Variants in EML6 observed in about 807,000 individuals in gnomAD.
The protein encoded by EML6 is EMAP like 6, also known as echinoderm microtubule-associated protein-like 6.
In EML6, 154 loss-of-function variants were observed where a neutral mutation model predicts 240.1. The ratio of observed to expected loss-of-function variants is 0.64; its 90% confidence interval spans 0.56 to 0.73. The LOEUF is 0.73. Ranked by LOEUF, EML6 falls within the 30% of genes least tolerant of loss-of-function variation. The pLI, the probability that EML6 is intolerant of heterozygous loss-of-function variation, is 0.00. For synonymous variants in EML6, 1,148 were observed against 899.0 expected, an observed-to-expected ratio of 1.28 and a Z score of -4.95; for missense variants, 2,964 against 2,474.6, an observed-to-expected ratio of 1.20 and a Z score of -4.20.
Position 54,903,434 on chromosome 2 carries a change from C to A in EML6, c.3341C>A (p.Thr1114Lys), listed in dbSNP as rs994880615. 6.4e-6 allele frequency: 10 copies of A among 1,551,658 alleles called. No homozygotes were observed. Among genetic ancestry groups the A allele is most frequent in the African/African-American group, 4.1e-5 (3 of 73,050 alleles). Residue 1114 changes from threonine (T) to lysine (K), a missense_variant, in exon 24 of 42, where the codon ACA (threonine) becomes AAA (lysine). Physicochemically the swap from Thr to Lys is moderately conservative, Grantham distance 78 (BLOSUM62 -1). Transcript: ENST00000356458. Reference protein sequence around the residue: ...DNFVDIYNVLTSKRVGICKGA... With the variant: ...DNFVDIYNVLKSKRVGICKGA... ...TTTGTGGATATTTACAACGTACTTA[C>A]AAGCAAAAGGGTTGGCATCTGTAAA...
chr2:54,921,218 C>G (rs539608231), intron 26 of EML6, among the ~76,000 whole-genome samples: 5 of 151,784 alleles, frequency 3.3e-5, no homozygotes, highest in African/African-American at 9.7e-5. Context: ...ACCCTAAAGA[C>G]CCCCCCAAAA....
intron 17 of EML6, among the ~76,000 whole-genome samples, chr2:54,889,159 A>G (rs981239883): frequency 2.0e-5 from 3 of 152,146 alleles, no homozygotes; most frequent in Non-Finnish European, 2.9e-5. Flanking sequence ...TTGTCAGTCA[A>G]CTCATACACA....
intron 2 of EML6, among the ~76,000 whole-genome samples, chr2:54,738,263 C>G (rs1270459490): frequency 1.3e-5 from 2 of 152,164 alleles, no homozygotes; most frequent in Admixed American, 6.5e-5. Flanking sequence ...GTTGAATGAA[C>G]AAATGAAAGA....
intron 11 of EML6, among the ~76,000 whole-genome samples, chr2:54,859,088 C>G (rs1670540179): frequency 6.6e-6 from 1 of 152,168 alleles, no homozygotes; most frequent in Admixed American, 6.5e-5. Context: ...AGTAAAGCAA[C>G]CAGTTTAAGG....
intron 7 of EML6, among the ~76,000 whole-genome samples, chr2:54,834,065 G>A (rs923490219): frequency 6.6e-6 from 1 of 152,140 alleles, no homozygotes; most frequent in African/African-American, 2.4e-5. Context: ...GCTGTATGGG[G>A]TGGTTGTCCT....
chr2:54,785,955 A>T (rs111417570), intron 2 of EML6, among the ~76,000 whole-genome samples: 7 of 150,804 alleles, frequency 4.6e-5, no homozygotes, highest in African/African-American at 1.7e-4. Flanking sequence ...ATATATTTGT[A>T]TGTGTGTGTG....
At chr2:54,872,922 C>T (rs150186810) in intron 16 of EML6, among the ~76,000 whole-genome samples, 172 of 152,310 alleles carry the variant, frequency 1.1e-3, no homozygotes, top group Middle Eastern at 6.8e-3. Context: ...TGTGGCACTC[C>T]ATGTGGCACA....
At chr2:54,812,726 G>A (rs971615198) in intron 2 of EML6, among the ~76,000 whole-genome samples, 4 of 151,990 alleles carry the variant, frequency 2.6e-5, no homozygotes, top group Non-Finnish European at 2.9e-5. Context: ...GTAATCTATA[G>A]CAACAGACAC....
intron 26 of EML6, among the ~76,000 whole-genome samples, chr2:54,927,483 C>T (rs1054469948): frequency 2.3e-4 from 35 of 152,156 alleles, no homozygotes; most frequent in Middle Eastern, 3.2e-3. Flanking sequence ...CCCTCGGAGT[C>T]GCTGAGAGGA....
intron 3 of EML6, among the ~76,000 whole-genome samples, chr2:54,816,125 T>A (rs1417457972): frequency 6.6e-6 from 1 of 152,234 alleles, no homozygotes. Flanking sequence ...AGTGATATCC[T>A]GCAAGAAACT....
At chr2:54,802,002 G>T (rs1670177737) in intron 2 of EML6, among the ~76,000 whole-genome samples, 1 of 152,144 alleles carries the variant, frequency 6.6e-6, no homozygotes, top group African/African-American at 2.4e-5. Flanking sequence ...ATGTGTTCTT[G>T]CATCCATCTT....
chr2:54,903,147 C>G lies in EML6; in HGVS notation c.3228C>G (p.Val1076=), dbSNP rs1048734140. ...VVNADTVEDM[V]SFHHRKEMIS... The stretch of plus-strand genomic sequence containing the variant: ...ATGCTGACACTGTTGAAGACATGGT[C>G]TCTTTCCATCACAGAAAAGAAATGA... Residue 1076 remains valine (V), a synonymous_variant, in exon 23 of 42, where the codon GTC becomes GTG. Transcript: ENST00000356458. 4 of 1,551,790 alleles carry G rather than the reference C, an allele frequency of 2.6e-6. No individual in the cohort carries two copies. Among genetic ancestry groups the G allele is most frequent in the Non-Finnish European group, 1.7e-6 (2 of 1,146,870 alleles).
intron 17 of EML6, among the ~76,000 whole-genome samples, chr2:54,883,688 C>T (rs1671963828): frequency 6.6e-6 from 1 of 152,190 alleles, no homozygotes; most frequent in Admixed American, 6.5e-5. Context: ...ATCTGACAAA[C>T]TCTTTGTATT....
chr2:54,953,669 C>G (rs1032480979), intron 31 of EML6, among the ~76,000 whole-genome samples: 2 of 152,080 alleles, frequency 1.3e-5, no homozygotes, highest in African/African-American at 4.8e-5. Context: ...GGCGGATCAC[C>G]TGAGGTCAGG....
At chr2:54,751,747 C>G (rs142595333) in intron 2 of EML6, among the ~76,000 whole-genome samples, 5 of 152,062 alleles carry the variant, frequency 3.3e-5, no homozygotes, top group Non-Finnish European at 7.4e-5. Context: ...CTTGGTTGAC[C>G]GTGCAAGGTT....
intron 26 of EML6, among the ~76,000 whole-genome samples, chr2:54,923,400 C>T (rs1674369090): frequency 6.7e-6 from 1 of 150,034 alleles, no homozygotes; most frequent in African/African-American, 2.5e-5. Context: ...CACACACACA[C>T]ACACAATGGT....
intron 4 of EML6, among the ~76,000 whole-genome samples, chr2:54,817,805 TAAA>T (rs545717672): frequency 6.9e-6 from 1 of 145,786 alleles, no homozygotes; most frequent in African/African-American, 2.5e-5. Flanking sequence ...AAGGAACTCT[TAAA>T]AAAAAAAAAG....
At chr2:54,947,136 C>G (rs1466990792) in intron 28 of EML6, among the ~76,000 whole-genome samples, 2 of 152,130 alleles carry the variant, frequency 1.3e-5, no homozygotes, top group Admixed American at 6.5e-5. Flanking sequence ...TCCTCTTGCT[C>G]TCCTCATAGC....
chr2:54,934,682 T>C (rs1445569309), intron 28 of EML6, among the ~76,000 whole-genome samples: 1 of 152,088 alleles, frequency 6.6e-6, no homozygotes, highest in Non-Finnish European at 1.5e-5. Context: ...CCCAAGTACC[T>C]GGGACTAGGA....
Sources: gnomAD v4.1 joint callset for allele counts (sites outside exome capture counted in the v4.1 genomes callset) on GRCh38, gnomAD v4.1.1 for gene constraint, MANE v1.5 for transcripts, NCBI Gene and HGNC (gene_info 2026-07-23, HGNC 2026-07-21) for gene names.